ARHGAP5: variants seen among roughly 807,000 people sequenced by gnomAD.
ARHGAP5 encodes rho GTPase-activating protein 5.
ARHGAP5 carries 23 observed loss-of-function variants against 116.6 expected under a neutral mutation model. The ratio of observed to expected loss-of-function variants is 0.20; its 90% CI spans 0.14 to 0.28. The LOEUF is 0.28. ARHGAP5 is among the 10% of genes least tolerant of loss of function. The pLI, the probability that ARHGAP5 is intolerant of heterozygous loss-of-function variation, is 1.00. For synonymous variants in ARHGAP5, 574 were observed against 602.0 expected (o/e 0.95, Z 0.68); for missense variants, 1,405 against 1,774.8 (o/e 0.79, Z 3.74).
At position 32,091,661 on chromosome 14, in the gene ARHGAP5, T is replaced by C. The variant is rs927078439; in HGVS notation, c.992T>C (p.Ile331Thr). ...ATAGAACAACTTAAACAGGAACATA[T>C]AAGAAAAAGGAGAGAAGAGTATATA... ...KHIEQLKQEH[I>T]RKRREEYINT... The change falls in exon 2 of 7, where the codon ATA (isoleucine) becomes ACA (threonine). Residue 331 changes from isoleucine to threonine, a missense_variant. Physicochemically the swap from Ile to Thr is moderately conservative, Grantham distance 89 (BLOSUM62 -1). Around this residue, in one of 6 missense-constraint regions of ARHGAP5, gnomAD observed 944 missense variants for 1,095.3 expected, o/e 0.86. Coordinates refer to ENST00000345122, the MANE Select transcript of ARHGAP5 (RefSeq NM_001030055.2). 2 of 1,609,362 alleles carry C rather than the reference T, an allele frequency of 1.2e-6. No homozygotes were observed. The highest frequency in any genetic ancestry group is 2.2e-5 in the East Asian group (1 of 44,796).
chr14:32,083,742 A>T (rs996280826), intron 1 of ARHGAP5, among the ~76,000 whole-genome samples: 1 of 152,112 alleles, frequency 6.6e-6, no homozygotes, highest in Admixed American at 6.5e-5. Context: ...AGTTGTTTGT[A>T]TGATGAAAAT....
At position 32,125,654 on chromosome 14, in the gene ARHGAP5, G is replaced by A. The variant is rs116312450; in HGVS notation, c.3865+8367G>A. Among the ~76,000 whole-genome samples the A allele has an allele frequency of 2.4e-3, 359 of 152,290 alleles. 1 individual carries two copies. Among genetic ancestry groups the A allele is most frequent in the African/African-American group, 8.3e-3 (345 of 41,560 alleles). Reference sequence around the variant, plus strand: ...GCCAACACTTGTATGTGTTCTGTATGTGTATTAATTTTAGCTGTCTTATCC... The same window carrying A: ...GCCAACACTTGTATGTGTTCTGTATATGTATTAATTTTAGCTGTCTTATCC... On this transcript the variant is annotated intron_variant, in intron 3 of 6. Coordinates refer to ENST00000345122, the MANE Select transcript of ARHGAP5 (RefSeq NM_001030055.2).
chr14:32,152,308 C>T, intron 5 of ARHGAP5, 115 bp from the exon 6 acceptor site: 1 of 743,842 alleles, frequency 1.3e-6, no homozygotes, highest in Admixed American at 3.3e-5. Context: ...GTTTACCTAT[C>T]CTAATATGCT....
At chr14:32,080,024 C>G (rs564387541) in intron 1 of ARHGAP5, among the ~76,000 whole-genome samples, 63 of 152,116 alleles carry the variant, frequency 4.1e-4, no homozygotes, top group African/African-American at 1.4e-3. Flanking sequence ...TCAGTAGATT[C>G]ATCATTCAGT....
At chr14:32,152,003 G>C (rs902337515) in intron 5 of ARHGAP5, among the ~76,000 whole-genome samples, 2 of 152,306 alleles carry the variant, frequency 1.3e-5, no homozygotes, top group African/African-American at 4.8e-5. Context: ...TGGCTTGTTA[G>C]GAACCAGGCT....
intron 1 of ARHGAP5, chr14:32,078,404 A>G (rs560426341): frequency 6.6e-6 from 1 of 152,376 alleles, no homozygotes; most frequent in South Asian, 2.1e-4. Flanking sequence ...CCATCGCTTA[A>G]TAAATGGGAA....
At chr14:32,136,932 TG>T (rs1880835254) in intron 3 of ARHGAP5, among the ~76,000 whole-genome samples, 1 of 152,122 alleles carries the variant, frequency 6.6e-6, no homozygotes, top group Non-Finnish European at 1.5e-5. Context: ...CTTTTTAAAT[TG>T]GGTTATCTTT....
At chr14:32,087,823 T>A (rs2041845075) in intron 1 of ARHGAP5, among the ~76,000 whole-genome samples, 1 of 152,042 alleles carries the variant, frequency 6.6e-6, no homozygotes. Context: ...CTTGAACATT[T>A]AAGATTCATA....
chr14:32,106,133 AT>A (rs1311209227), intron 2 of ARHGAP5, among the ~76,000 whole-genome samples: 2 of 152,024 alleles, frequency 1.3e-5, no homozygotes, highest in Non-Finnish European at 2.9e-5. Context: ...TTATTTATTT[AT>A]TTATTGAGAT....
rs1345724721 is a variant in ARHGAP5, at chr14:32,101,983, GA to G, written c.3717+7607del. On this transcript the variant is annotated intron_variant, in intron 2 of 6. Coordinates refer to ENST00000345122, the MANE Select transcript of ARHGAP5 (RefSeq NM_001030055.2). ...GGGCGACAGAGCGAGACTCCAAAAA[GA>G]AAAAAAAAAGCTTACTATAGGAAGG... 3.0e-4 allele frequency among the ~76,000 whole-genome samples: 44 copies of G among 145,620 alleles called. No homozygotes were observed. In the East Asian group the frequency reaches 6.6e-3, roughly 22 times the overall value.
chr14:32,154,013 G>A (rs1293851181), intron 6 of ARHGAP5: 7 of 152,156 alleles, frequency 4.6e-5, no homozygotes, highest in Non-Finnish European at 8.8e-5. Flanking sequence ...TTTTTCCAAA[G>A]CTAGTTGAGA....
At chr14:32,144,191 A>G (rs1881266567) in intron 3 of ARHGAP5, among the ~76,000 whole-genome samples, 1 of 152,194 alleles carries the variant, frequency 6.6e-6, no homozygotes, top group Admixed American at 6.5e-5. Context: ...TTCAACTGGG[A>G]TATATAGATA....
At position 32,094,447 on chromosome 14, in the gene ARHGAP5, A is replaced by G; in HGVS notation, c.3717+61A>G. The G allele has an allele frequency of 4.0e-6, 5 of 1,255,188 alleles. No homozygotes were observed. The South Asian group carries it at 7.6e-5, about 19-fold the overall frequency. The allele number at this position is 1,255,188 out of a possible 1,614,324, so 77.8% of individuals were successfully genotyped here. On this transcript the variant is annotated intron_variant, in intron 2 of 6. Coordinates refer to ENST00000345122, the MANE Select transcript of ARHGAP5 (RefSeq NM_001030055.2). ...ATGCTTGTTGTTACTTTTTTAAAAT[A>G]CTGACATCAGTGTTAGAATTTAGTC...
chr14:32,110,328 C>CTT (rs559613072), intron 2 of ARHGAP5, among the ~76,000 whole-genome samples: 1 of 141,472 alleles, frequency 7.1e-6, no homozygotes, highest in African/African-American at 2.6e-5. Flanking sequence ...ATTGCTTTTG[C>CTT]TTTTTTTTTT....
chr14:32,101,582 A>C (rs936576063), intron 2 of ARHGAP5, among the ~76,000 whole-genome samples: 2 of 151,890 alleles, frequency 1.3e-5, no homozygotes, highest in African/African-American at 4.8e-5. Flanking sequence ...ACCTCTTGAC[A>C]GTCATTAGGT....
Position 32,158,728 on chromosome 14 carries a change from C to A in ARHGAP5, c.*3780C>A, listed in dbSNP as rs904067410. 6.6e-6 allele frequency: 1 copy of A among 151,772 alleles called. No individual in the cohort carries two copies. Among genetic ancestry groups the A allele is most frequent in the African/African-American group, 2.4e-5 (1 of 41,338 alleles). 9.4% of individuals were successfully genotyped at this position (151,772 alleles called of 1,614,324 possible). Reference sequence around the variant, plus strand: ...CTTAGCCTTTTCAGGTTATGAAATACCTGAAAGTAAAATTTTCTAAGATTT... The same window carrying A: ...CTTAGCCTTTTCAGGTTATGAAATAACTGAAAGTAAAATTTTCTAAGATTT... On this transcript the variant is annotated 3_prime_UTR_variant, in exon 7 of 7. Transcript: ENST00000345122.
chr14:32,089,657 A>G (rs1425930214), intron 1 of ARHGAP5, among the ~76,000 whole-genome samples: 1 of 151,960 alleles, frequency 6.6e-6, no homozygotes, highest in Admixed American at 6.6e-5. Context: ...GCTACTCAAA[A>G]TGTGGTCTTT....
intron 4 of ARHGAP5, among the ~76,000 whole-genome samples, 193 bp downstream of exon 4, chr14:32,146,533 C>T (rs1454406184): frequency 3.3e-5 from 5 of 152,000 alleles, no homozygotes; most frequent in Non-Finnish European, 7.4e-5. Flanking sequence ...CTAGGGAAAG[C>T]CTGTTTTCTT....
At chr14:32,131,265 T>A (rs1486041088) in intron 3 of ARHGAP5, among the ~76,000 whole-genome samples, 1 of 151,878 alleles carries the variant, frequency 6.6e-6, no homozygotes, top group East Asian at 1.9e-4. Context: ...TTTTTTTTTT[T>A]TTTTAGGTTT....
Sources: gnomAD v4.1 joint callset for allele counts (sites outside exome capture counted in the v4.1 genomes callset) on GRCh38, gnomAD v4.1.1 for gene constraint, gnomAD v4.1.1 regional missense constraint, MANE v1.5 for transcripts, NCBI Gene and HGNC (gene_info 2026-07-23, HGNC 2026-07-21) for gene names.